The following YAP1 variants were observed in gnomAD, a reference collection of about 807,000 sequenced individuals.
YAP1 encodes the protein Yes1 associated transcriptional regulator.
Under a neutral mutation model 56.9 loss-of-function variants are expected in YAP1, and 5 were observed. That is an observed-to-expected ratio of 0.09 (90% CI 0.05 to 0.18). The LOEUF (loss-of-function observed/expected upper bound fraction) is 0.18, where lower values mean the gene tolerates loss of function less well. Among genes scored for constraint, YAP1 ranks in the 10% least tolerant of loss-of-function variants. The probability of loss-of-function intolerance (pLI) is 1.00; values close to 1 mark genes in which losing one functional copy is unlikely to be tolerated. For synonymous variants in YAP1, 265 were observed against 248.1 expected (o/e 1.07, Z -0.64); for missense variants, 539 against 651.8 (o/e 0.83, Z 1.88).
At position 102,140,232 on chromosome 11, in the gene YAP1, T is replaced by C. The variant is rs192060978; in HGVS notation, c.573-22224T>C. ...TATTTTTCCATTGTTCTGGAAAAAA[T>C]TCAATTTCAAGGAAAATTTTATATA... On this transcript the variant is annotated intron_variant, in intron 2 of 8. Transcript: ENST00000282441. 2.9e-3 allele frequency among the ~76,000 whole-genome samples: 439 copies of C among 152,042 alleles called. 1 individual carries two copies. The highest frequency in any genetic ancestry group is 5.2e-3 in the Non-Finnish European group (354 of 67,976).
At chr11:102,115,994 C>T (rs966462924) in intron 2 of YAP1, among the ~76,000 whole-genome samples, 54 of 152,184 alleles carry the variant, frequency 3.5e-4, no homozygotes, top group African/African-American at 1.3e-3. Context: ...TTATGCTCTT[C>T]TTCTTAGTTC....
In YAP1 at chr11:102,110,818, C is replaced by A; in HGVS notation, c.-31C>A. ...GGGCGTAGCCCTCGCTCGCCTGGGTCAGGGGGTGCGCGTCGGGGGAGGCAG... is the reference window on the plus strand; with the variant it reads ...GGGCGTAGCCCTCGCTCGCCTGGGTAAGGGGGTGCGCGTCGGGGGAGGCAG... On this transcript the variant is annotated 5_prime_UTR_variant, in exon 1 of 9. Transcript: ENST00000282441. 7.3e-7 allele frequency: 1 copy of A among 1,367,636 alleles called. No individual in the cohort carries two copies. 84.7% of individuals were successfully genotyped at this position (1,367,636 alleles called of 1,614,324 possible).
rs1000530817 is a variant in YAP1 at position 102,186,388 on chromosome 11, G to A, written c.802+257G>A. ...AATGGCCGACTAACCAGAATCACTTGTTCCTTTCACATTTTGGGAGAAACA... is the reference window on the plus strand; with the variant it reads ...AATGGCCGACTAACCAGAATCACTTATTCCTTTCACATTTTGGGAGAAACA... On this transcript the variant is annotated intron_variant, in intron 4 of 8. Coordinates refer to ENST00000282441, the MANE Select transcript of YAP1 (RefSeq NM_001130145.3). 6 of 343,992 alleles carry A rather than the reference G, an allele frequency of 1.7e-5. 1 individual carries two copies. The highest frequency in any genetic ancestry group is 1.3e-4 in the African/African-American group (6 of 45,126). The allele number at this position is 343,992 out of a possible 1,614,324, so 21.3% of individuals were successfully genotyped here. A position where few individuals can be genotyped will look rare whatever the true frequency, so the allele number is the denominator to read the frequency against.
chr11:102,162,648 T>A, intron 3 of YAP1, 77 bp downstream of exon 3: 1 of 1,372,972 alleles, frequency 7.3e-7, no homozygotes, highest in South Asian at 1.2e-5. Flanking sequence ...AAATAGTCAT[T>A]ACTCGTTTAC....
At chr11:102,192,857 A>G (rs563735112) in intron 4 of YAP1, among the ~76,000 whole-genome samples, 6 of 152,352 alleles carry the variant, frequency 3.9e-5, no homozygotes, top group Non-Finnish European at 8.8e-5. Flanking sequence ...AGACAGGGAA[A>G]TCTTCCAGCC....
chr11:102,119,545 A>G (rs1278505558), intron 2 of YAP1, among the ~76,000 whole-genome samples: 3 of 151,988 alleles, frequency 2.0e-5, no homozygotes, highest in Non-Finnish European at 4.4e-5. Context: ...TTCTTTTTAA[A>G]GTCACATTTA....
Position 102,213,330 on chromosome 11 carries a change from G to A in YAP1, c.1032+3766G>A, listed in dbSNP as rs1293443329. On this transcript the variant is annotated intron_variant, in intron 6 of 8. Coordinates refer to ENST00000282441, the MANE Select transcript of YAP1 (RefSeq NM_001130145.3). ...TGAAACCCGTCTCTACTAAAAATAC[G>A]GAAATTAGCTGGATGTGGTGGGGCG... Among the ~76,000 whole-genome samples, 10 of 151,998 alleles carry A rather than the reference G, an allele frequency of 6.6e-5. 1 individual carries two copies. Among genetic ancestry groups the A allele is most frequent in the South Asian group, 6.2e-4 (3 of 4,820 alleles).
intron 8 of YAP1, 63 bp from the exon 9 acceptor site, chr11:102,229,639 A>G: frequency 3.4e-6 from 5 of 1,481,884 alleles, no homozygotes; most frequent in Non-Finnish European, 4.6e-6. Flanking sequence ...CTGTGCTCAT[A>G]TGATACAGCC....
At chr11:102,196,627 T>C (rs1472697236) in intron 4 of YAP1, among the ~76,000 whole-genome samples, 1 of 134,078 alleles carries the variant, frequency 7.5e-6, no homozygotes, top group Non-Finnish European at 1.6e-5. Flanking sequence ...TTTTTGTGAC[T>C]TTTTTTTTTT....
chr11:102,136,331 C>T (rs1446084376), intron 2 of YAP1, among the ~76,000 whole-genome samples: 2 of 151,214 alleles, frequency 1.3e-5, no homozygotes, highest in African/African-American at 4.9e-5. Flanking sequence ...GTGCCTAGGA[C>T]AGGGAGCCAT....
At chr11:102,113,524 G>A (rs1943094783) in intron 1 of YAP1, among the ~76,000 whole-genome samples, 1 of 152,138 alleles carries the variant, frequency 6.6e-6, no homozygotes, top group African/African-American at 2.4e-5. Context: ...TACATACAAA[G>A]ATATAGTTGG....
intron 2 of YAP1, among the ~76,000 whole-genome samples, chr11:102,141,176 A>C (rs1822124516): frequency 6.6e-6 from 1 of 152,224 alleles, no homozygotes; most frequent in African/African-American, 2.4e-5. Flanking sequence ...GGAGTCCCTC[A>C]TGGCCTTTCA....
At chr11:102,131,927 G>GGCCA (rs1156719593) in intron 2 of YAP1, among the ~76,000 whole-genome samples, 3 of 152,074 alleles carry the variant, frequency 2.0e-5, no homozygotes, top group African/African-American at 7.2e-5. Context: ...TACCAAGCCT[G>GGCCA]GCCAACATGA....
At chr11:102,158,523 T>A (rs555966746) in intron 2 of YAP1, among the ~76,000 whole-genome samples, 147 of 152,316 alleles carry the variant, frequency 9.7e-4, no homozygotes, top group African/African-American at 3.3e-3. Context: ...GTTTCTGCAG[T>A]TTTAACTAGC....
intron 1 of YAP1, 45 bp downstream of exon 1, chr11:102,111,214 C>A (rs1395274750): frequency 1.4e-5 from 23 of 1,605,004 alleles, no homozygotes; most frequent in Non-Finnish European, 2.0e-5. Flanking sequence ...GGGCGGGCCT[C>A]AGACCGGGGG....
intron 2 of YAP1, among the ~76,000 whole-genome samples, chr11:102,152,421 C>T (rs1565206620): frequency 6.6e-6 from 1 of 152,182 alleles, no homozygotes; most frequent in Non-Finnish European, 1.5e-5. Context: ...TCACTCTGGC[C>T]TCTGTAGATT....
chr11:102,181,375 G>A (rs1297776689), intron 3 of YAP1, among the ~76,000 whole-genome samples: 2 of 152,146 alleles, frequency 1.3e-5, no homozygotes, highest in African/African-American at 4.8e-5. Flanking sequence ...GAACCCGGGA[G>A]GCGGAGCTTG....
intron 4 of YAP1, among the ~76,000 whole-genome samples, chr11:102,202,165 A>ATT (rs562786052): frequency 6.8e-6 from 1 of 146,938 alleles, no homozygotes; most frequent in Admixed American, 6.9e-5. Flanking sequence ...AATTATTATT[A>ATT]TTTTTTTTTT....
At chr11:102,217,688 G>T (rs184841591) in intron 6 of YAP1, among the ~76,000 whole-genome samples, 1 of 152,124 alleles carries the variant, frequency 6.6e-6, no homozygotes, top group African/African-American at 2.4e-5. Flanking sequence ...AAATTTTGAG[G>T]ATGATTATCT....
Sources: gnomAD v4.1 joint callset for allele counts (sites outside exome capture counted in the v4.1 genomes callset) on GRCh38, gnomAD v4.1.1 for gene constraint, MANE v1.5 for transcripts, NCBI Gene and HGNC (gene_info 2026-07-23, HGNC 2026-07-21) for gene names.